The following NLGN1 variants were observed in gnomAD, a reference collection of about 807,000 sequenced individuals.
NLGN1 encodes the protein neuroligin 1.
In NLGN1, 12 loss-of-function variants were observed where a neutral mutation model predicts 65.5. The observed-to-expected ratio is 0.18, with a 90% CI of 0.12 to 0.30. The LOEUF (loss-of-function observed/expected upper bound fraction) is 0.30. Ranked by LOEUF, NLGN1 falls within the 10% of genes least tolerant of loss-of-function variation. The probability of loss-of-function intolerance (pLI) is 1.00; values close to 1 mark genes in which losing one functional copy is unlikely to be tolerated. For synonymous variants in NLGN1, 350 were observed against 359.5 expected, an observed-to-expected ratio of 0.97 and a Z score of 0.30; for missense variants, 750 against 1,007.1, an observed-to-expected ratio of 0.74 and a Z score of 3.46.
chr3:174,151,657 G>A (rs1190968736), intron 4 of NLGN1, among the ~76,000 whole-genome samples: 2 of 152,124 alleles, frequency 1.3e-5, no homozygotes, highest in Non-Finnish European at 2.9e-5. Flanking sequence ...GCTTGATACA[G>A]ATTTACTCAG....
chr3:174,211,766 G>C (rs983965528), intron 4 of NLGN1, among the ~76,000 whole-genome samples: 1 of 151,248 alleles, frequency 6.6e-6, no homozygotes, highest in Non-Finnish European at 1.5e-5. Flanking sequence ...GGCCCCACCA[G>C]AGCAGCTAGA....
At chr3:173,706,930 T>C (rs907137403) in intron 3 of NLGN1, among the ~76,000 whole-genome samples, 2 of 152,230 alleles carry the variant, frequency 1.3e-5, no homozygotes, top group Non-Finnish European at 2.9e-5. Context: ...ACTTTATTCA[T>C]CCTGAGAAGC....
chr3:173,938,398 A>T (rs1000009231), intron 4 of NLGN1, among the ~76,000 whole-genome samples: 1 of 152,134 alleles, frequency 6.6e-6, no homozygotes, highest in Non-Finnish European at 1.5e-5. Flanking sequence ...TTTATTTGCC[A>T]TGGAAACATA....
chr3:173,932,939 A>G (rs1469858564), intron 4 of NLGN1, among the ~76,000 whole-genome samples: 1 of 152,162 alleles, frequency 6.6e-6, no homozygotes, highest in Admixed American at 6.6e-5. Context: ...GGCATAAGCC[A>G]TCTGAAATTA....
At chr3:173,974,384 ATAAG>A (rs1321259520) in intron 4 of NLGN1, among the ~76,000 whole-genome samples, 3 of 152,046 alleles carry the variant, frequency 2.0e-5, no homozygotes, top group African/African-American at 7.2e-5. Flanking sequence ...TTTTACTTAA[ATAAG>A]TAAGTCCTTG....
At chr3:173,886,976 A>G (rs1578997380) in intron 4 of NLGN1, among the ~76,000 whole-genome samples, 1 of 152,102 alleles carries the variant, frequency 6.6e-6, no homozygotes, top group African/African-American at 2.4e-5. Flanking sequence ...TTTATCAGAG[A>G]CAAAATATCT....
At chr3:173,945,663 A>T (rs13064664) in intron 4 of NLGN1, among the ~76,000 whole-genome samples, 1 of 152,060 alleles carries the variant, frequency 6.6e-6, no homozygotes, top group Non-Finnish European at 1.5e-5. Flanking sequence ...TACTCTTAAC[A>T]AATATTAACA....
chr3:173,591,055 C>T (rs146059211), intron 2 of NLGN1, among the ~76,000 whole-genome samples: 16 of 151,966 alleles, frequency 1.1e-4, no homozygotes, highest in Admixed American at 3.3e-4. Flanking sequence ...TAAAATATAA[C>T]GGTTTGGGAT....
At chr3:174,145,101 A>G (rs1327001679) in intron 4 of NLGN1, among the ~76,000 whole-genome samples, 1 of 152,122 alleles carries the variant, frequency 6.6e-6, no homozygotes, top group Non-Finnish European at 1.5e-5. Flanking sequence ...GAAGGGGTCC[A>G]GTTTTAGTTT....
chr3:174,145,161 T>A (rs1722975406), intron 4 of NLGN1, among the ~76,000 whole-genome samples: 1 of 152,180 alleles, frequency 6.6e-6, no homozygotes, highest in Non-Finnish European at 1.5e-5. Context: ...AAATAGGGAA[T>A]CCTTTCCCCA....
At chr3:173,904,819 CAGAACA>C (rs1738067770) in intron 4 of NLGN1, among the ~76,000 whole-genome samples, 1 of 152,088 alleles carries the variant, frequency 6.6e-6, no homozygotes, top group Admixed American at 6.6e-5. Context: ...CCAACAGATA[CAGAACA>C]AGAACAAGTT....
At chr3:173,964,203 T>A (rs4273398) in intron 4 of NLGN1, among the ~76,000 whole-genome samples, 1 of 152,114 alleles carries the variant, frequency 6.6e-6, no homozygotes, top group East Asian at 1.9e-4. Flanking sequence ...AGGAAGTCCA[T>A]TGCATAAATC....
At chr3:173,422,779 T>C (rs1244333171) in intron 1 of NLGN1, among the ~76,000 whole-genome samples, 1 of 152,230 alleles carries the variant, frequency 6.6e-6, no homozygotes, top group Non-Finnish European at 1.5e-5. Flanking sequence ...TTTAGAAATA[T>C]CTATCTAGAC....
chr3:174,219,811 C>G (rs531714984), intron 4 of NLGN1, among the ~76,000 whole-genome samples: 1 of 152,190 alleles, frequency 6.6e-6, no homozygotes, highest in Non-Finnish European at 1.5e-5. Flanking sequence ...CCAAAATGGT[C>G]AGGGAATGTT....
chr3:173,693,984 G>A (rs1220310799), intron 3 of NLGN1, among the ~76,000 whole-genome samples: 1 of 152,126 alleles, frequency 6.6e-6, no homozygotes, highest in Admixed American at 6.5e-5. Flanking sequence ...ACACTGCTGA[G>A]AATAGGAAGA....
intron 3 of NLGN1, among the ~76,000 whole-genome samples, chr3:173,757,732 T>C (rs989411301): frequency 3.3e-5 from 5 of 152,000 alleles, no homozygotes; most frequent in African/African-American, 1.2e-4. Context: ...GATTGTTAGA[T>C]TATATGAAGG....
At position 174,278,943 on chromosome 3, in the gene NLGN1, A is replaced by G. The variant is rs115286304; in HGVS notation, c.942A>G (p.Arg314=). The G allele has an allele frequency of 8.1e-4, 1,248 of 1,537,492 alleles. 14 individuals are homozygous for G. The African/African-American group carries it at 0.015, about 19-fold the overall frequency. Residue 314 remains arginine, a synonymous_variant, in exon 6 of 7, where the codon AGA becomes AGG. Coordinates refer to ENST00000457714, the Ensembl canonical transcript of NLGN1. The stretch of plus-strand genomic sequence containing the variant: ...GTTTTCAACCTGCAAAATATGCTAG[A>G]ATGTTGGCCACAAAAGTTGGTTGCA...
intron 4 of NLGN1, among the ~76,000 whole-genome samples, chr3:173,896,262 C>T (rs1736338568): frequency 6.6e-6 from 1 of 152,148 alleles, no homozygotes; most frequent in East Asian, 1.9e-4. Context: ...AAAAGATCTG[C>T]TTTGTGAAGT....
intron 1 of NLGN1, among the ~76,000 whole-genome samples, chr3:173,412,850 G>A (rs1208285790): frequency 6.6e-6 from 1 of 152,158 alleles, no homozygotes; most frequent in Non-Finnish European, 1.5e-5. Context: ...CTTTGGCTCT[G>A]TAATGGTACT....
Sources: gnomAD v4.1 joint callset for allele counts (sites outside exome capture counted in the v4.1 genomes callset) on GRCh38, gnomAD v4.1.1 for gene constraint, MANE v1.5 for transcripts, NCBI Gene and HGNC (gene_info 2026-07-23, HGNC 2026-07-21) for gene names.